The following FARP2 variants were observed in gnomAD, a reference collection of about 807,000 sequenced individuals.
FARP2 encodes the protein FERM, ARHGEF and pleckstrin domain-containing protein 2.
Under a neutral mutation model 130.5 loss-of-function variants are expected in FARP2, and 111 were observed. The ratio of observed to expected loss-of-function variants is 0.85; its 90% CI spans 0.73 to 1.00. The LOEUF (loss-of-function observed/expected upper bound fraction) is 1.00, where lower values mean the gene tolerates loss of function less well. Among genes scored for constraint, FARP2 ranks in the 50% least tolerant of loss-of-function variants. The probability of loss-of-function intolerance (pLI) is 0.00; values close to 1 mark genes in which losing one functional copy is unlikely to be tolerated. For missense variants in FARP2, 1,385 were observed against 1,346.3 expected (o/e 1.03, Z -0.45); for synonymous variants, 504 against 516.9 (o/e 0.98, Z 0.34).
intron 24 of FARP2, among the ~76,000 whole-genome samples, chr2:241,492,017 C>T (rs1055028476): frequency 3.3e-5 from 5 of 152,296 alleles, no homozygotes; most frequent in Middle Eastern, 3.4e-3. Flanking sequence ...CCCTTCACCT[C>T]GGGCTTGGAG....
In FARP2 at chr2:241,459,648, A is replaced by G. The variant is rs1490550888; in HGVS notation, c.1587+2726A>G. Among the ~76,000 whole-genome samples, 2 of 152,224 alleles carry G rather than the reference A, an allele frequency of 1.3e-5. No individual in the cohort carries two copies. The highest frequency in any genetic ancestry group is 2.9e-5 in the Non-Finnish European group (2 of 68,042). On this transcript the variant is annotated intron_variant, in intron 14 of 26. Transcript: ENST00000264042. This position sits in a 1 kb window ranked among gnomAD's most constrained non-coding sequence, Gnocchi z 5.3. ...TGTGGGGACAGGTGGCGAAGCTCAC[A>G]GGAATTGCATGCTCCTCTGGGCCTA... is the stretch of plus-strand genomic sequence containing the variant.
chr2:241,440,312 T>C (rs1343853142), intron 12 of FARP2, among the ~76,000 whole-genome samples: 1 of 152,216 alleles, frequency 6.6e-6, no homozygotes, highest in African/African-American at 2.4e-5. Context: ...CCCCAAAGCG[T>C]GACTGCATCC....
chr2:241,410,511 A>G (rs2062488912), intron 5 of FARP2, among the ~76,000 whole-genome samples: 1 of 151,002 alleles, frequency 6.6e-6, no homozygotes, highest in East Asian at 1.9e-4. Flanking sequence ...AGCTCACTGC[A>G]ACCTCTGCAT....
At chr2:241,392,266 CTTG>C (rs961638716) in intron 2 of FARP2, among the ~76,000 whole-genome samples, 20 of 152,184 alleles carry the variant, frequency 1.3e-4, no homozygotes, top group African/African-American at 4.8e-4. Flanking sequence ...GAAGGCCCTT[CTTG>C]TTGTATCTCC....
chr2:241,488,955 A>T (rs775130770), intron 21 of FARP2: 1 of 152,204 alleles, frequency 6.6e-6, no homozygotes, highest in Non-Finnish European at 1.5e-5. Context: ...TTTAAAAAAG[A>T]TTCTTTGCTA....
In FARP2 at chr2:241,415,670, G is replaced by A. The variant is rs541999648; in HGVS notation, c.623+2249G>A. The stretch of plus-strand genomic sequence containing the variant: ...GAAGAACTGACATTTGAGAGGCTGA[G>A]TGCAGGAGGAGGCACCCACAAGAGC... On this transcript the variant is annotated intron_variant, in intron 7 of 26. Coordinates refer to ENST00000264042, the MANE Select transcript of FARP2 (RefSeq NM_014808.4). Among the ~76,000 whole-genome samples, 60 of 152,306 alleles carry A rather than the reference G, an allele frequency of 3.9e-4. 1 individual carries two copies. Among genetic ancestry groups the A allele is most frequent in the African/African-American group, 1.3e-3 (56 of 41,554 alleles).
intron 19 of FARP2, among the ~76,000 whole-genome samples, chr2:241,479,614 C>T (rs528137183): frequency 3.3e-5 from 5 of 152,344 alleles, no homozygotes; most frequent in Admixed American, 6.5e-5. Flanking sequence ...ATTTTCCAGG[C>T]GAGAGAACTT....
chr2:241,484,056 G>A, intron 20 of FARP2, 186 bp from the exon 21 acceptor site: 1 of 1,391,000 alleles, frequency 7.2e-7, no homozygotes, highest in East Asian at 2.9e-5. Flanking sequence ...ACTGGTTCCT[G>A]TGGCCCTTTC....
At position 241,459,770 on chromosome 2, in the gene FARP2, A is replaced by G. The variant is rs1254484840; in HGVS notation, c.1588-2753A>G. ...GTGGGGGCAGCGTGGCAGCTGCTGT[A>G]TTTTCTGTCCCTGAGAGTCTTCTCA... On this transcript the variant is annotated intron_variant, in intron 14 of 26. Transcript: ENST00000264042. This position sits in a 1 kb window ranked among gnomAD's most constrained non-coding sequence, Gnocchi z 5.3. Among the ~76,000 whole-genome samples the G allele has an allele frequency of 9.0e-6, 1 of 111,020 alleles. No individual in the cohort carries two copies. The highest frequency in any genetic ancestry group is 3.5e-5 in the African/African-American group (1 of 28,644). 72.8% of individuals were successfully genotyped at this position (111,020 alleles called of 152,430 possible).
In FARP2 at chr2:241,428,296, G is replaced by A. The variant is rs1013903819; in HGVS notation, c.772-3383G>A. On this transcript the variant is annotated intron_variant, in intron 8 of 26. Transcript: ENST00000264042. The stretch of plus-strand genomic sequence containing the variant: ...GTCGTCCAGGCTGGAGTACAGTGGC[G>A]CAGTCTCTGCTCACTGCAACCTGCG... 7.5e-5 allele frequency among the ~76,000 whole-genome samples: 11 copies of A among 145,836 alleles called. No individual in the cohort carries two copies. In the East Asian group the frequency reaches 1.2e-3, roughly 16 times the overall value.
In FARP2 at chr2:241,436,506, G is replaced by T; in HGVS notation, c.1126G>T (p.Val376Phe). ...ERRHSKTHTS[V>F]RALTADLPKQ... Reference sequence around the variant, plus strand: ...AAGGCACAGCAAGACCCACACGTCCGTTCGAGCTCTGACTGCAGACCTACC... The same window carrying T: ...AAGGCACAGCAAGACCCACACGTCCTTTCGAGCTCTGACTGCAGACCTACC... The change falls in exon 12 of 27, where the codon GTT (valine) becomes TTT (phenylalanine). Residue 376 changes from valine to phenylalanine, a missense_variant. Coordinates refer to ENST00000264042, the MANE Select transcript of FARP2 (RefSeq NM_014808.4). 1 of 1,614,202 alleles carries T rather than the reference G, an allele frequency of 6.2e-7. No individual in the cohort carries two copies.
intron 8 of FARP2, among the ~76,000 whole-genome samples, chr2:241,424,838 G>C (rs948754998): frequency 6.6e-6 from 1 of 152,082 alleles, no homozygotes; most frequent in Non-Finnish European, 1.5e-5. Context: ...CACATAAAGT[G>C]GAAAATCTAA....
In FARP2 at chr2:241,450,966, T is replaced by C. The variant is rs1191214153; in HGVS notation, c.1412-5781T>C. On this transcript the variant is annotated intron_variant, in intron 13 of 26. Coordinates refer to ENST00000264042, the MANE Select transcript of FARP2 (RefSeq NM_014808.4). ...GACTGTCTAAAGAAAAATAAATATA[T>C]ATATTTTGAAGATGATCAAATCTTG... Among the ~76,000 whole-genome samples, 2 of 151,980 alleles carry C rather than the reference T, an allele frequency of 1.3e-5. 1 individual carries two copies. The highest frequency in any genetic ancestry group is 4.8e-5 in the African/African-American group (2 of 41,368).
intron 5 of FARP2, among the ~76,000 whole-genome samples, chr2:241,410,225 G>C (rs1212678424): frequency 6.6e-6 from 1 of 152,154 alleles, no homozygotes; most frequent in African/African-American, 2.4e-5. Context: ...GCCAAGACCA[G>C]ATATTATCAA....
intron 1 of FARP2, among the ~76,000 whole-genome samples, chr2:241,365,083 TC>T (rs1351854948): frequency 6.6e-6 from 1 of 152,176 alleles, no homozygotes; most frequent in Non-Finnish European, 1.5e-5. Flanking sequence ...AGCTTCTCTC[TC>T]CCTCTCTCTC....
intron 2 of FARP2, among the ~76,000 whole-genome samples, chr2:241,393,585 AT>A (rs2061960346): frequency 6.6e-6 from 1 of 152,222 alleles, no homozygotes; most frequent in Non-Finnish European, 1.5e-5. Context: ...CAGTACAGAT[AT>A]GAATTATATA....
chr2:241,381,757 T>TA (rs566226091), intron 2 of FARP2, among the ~76,000 whole-genome samples: 79 of 152,326 alleles, frequency 5.2e-4, no homozygotes, highest in African/African-American at 1.8e-3. Context: ...TACCAAGTGT[T>TA]ACATGTATAT....
intron 14 of FARP2, among the ~76,000 whole-genome samples, chr2:241,457,268 TCTCC>T (rs931810619): frequency 1.3e-5 from 2 of 151,958 alleles, no homozygotes; most frequent in African/African-American, 4.8e-5. Context: ...CTTCCTCATT[TCTCC>T]CTCCCGTCCT....
At chr2:241,368,119 G>A (rs367893442) in intron 1 of FARP2, among the ~76,000 whole-genome samples, 1 of 151,954 alleles carries the variant, frequency 6.6e-6, no homozygotes, top group African/African-American at 2.4e-5. Flanking sequence ...GACATGTCAC[G>A]GGGTTTTCTT....
Sources: gnomAD v4.1 joint callset for allele counts (sites outside exome capture counted in the v4.1 genomes callset) on GRCh38, gnomAD v4.1.1 for gene constraint, Gnocchi (gnomAD v3.1) non-coding constraint, MANE v1.5 for transcripts, NCBI Gene and HGNC (gene_info 2026-07-23, HGNC 2026-07-21) for gene names.